CEP120: variants seen among roughly 807,000 people sequenced by gnomAD.
CEP120 encodes centrosomal protein of 120 kDa.
CEP120 carries 113 observed loss-of-function variants against 126.5 expected under a neutral mutation model. That is an observed-to-expected ratio of 0.89 (90% CI 0.77 to 1.04). CEP120 has a LOEUF of 1.04. CEP120 is among the 50% of genes least tolerant of loss of function. The probability of loss-of-function intolerance (pLI) is 0.00; values close to 1 mark genes in which losing one functional copy is unlikely to be tolerated. For missense variants in CEP120, 1,230 were observed against 1,155.7 expected (o/e 1.06, Z -0.93); for synonymous variants, 400 against 394.3 (o/e 1.01, Z -0.17).
chr5:123,358,609 T>TTGA (rs1769832053), intron 18 of CEP120, among the ~76,000 whole-genome samples: 1 of 152,102 alleles, frequency 6.6e-6, no homozygotes, highest in Admixed American at 6.6e-5. Context: ...AAGTAAGTTT[T>TTGA]TGATAAATTT....
intron 4 of CEP120, chr5:123,401,195 G>A: frequency 1.2e-6 from 2 of 1,612,644 alleles, no homozygotes; most frequent in Non-Finnish European, 1.7e-6. Flanking sequence ...CGATGTCCAG[G>A]GCCAGCCTGA....
intron 17 of CEP120, among the ~76,000 whole-genome samples, chr5:123,369,756 C>T (rs1172266922): frequency 2.0e-5 from 3 of 152,046 alleles, no homozygotes; most frequent in African/African-American, 7.2e-5. Context: ...ACCTACATTG[C>T]CACATTCAAT....
At chr5:123,379,715 T>C (rs1262364144) in intron 14 of CEP120, among the ~76,000 whole-genome samples, 2 of 150,342 alleles carry the variant, frequency 1.3e-5, no homozygotes, top group East Asian at 4.0e-4. Flanking sequence ...TATCAACCTC[T>C]CTTACCTTAT....
chr5:123,400,945 C>T (rs1359212862), intron 4 of CEP120: 9 of 1,554,348 alleles, frequency 5.8e-6, no homozygotes, highest in African/African-American at 4.1e-5. Context: ...TCAGAGGACT[C>T]GGACACCAGC....
chr5:123,372,880 T>C, intron 16 of CEP120, 108 bp from the exon 17 acceptor site: 1 of 862,998 alleles, frequency 1.2e-6, no homozygotes, highest in Non-Finnish European at 1.7e-6. Context: ...ATGCTCATAG[T>C]AGAAAATCTG....
chr5:123,395,906 T>C (rs1395370503), intron 5 of CEP120, among the ~76,000 whole-genome samples: 3 of 151,660 alleles, frequency 2.0e-5, no homozygotes, highest in Non-Finnish European at 2.9e-5. Context: ...ATGGTCTCGA[T>C]CTCCTGACCT....
chr5:123,385,010 A>G lies in CEP120; in HGVS notation c.1704T>C (p.Asn568=), dbSNP rs1771921291. 1 of 1,613,702 alleles carries G rather than the reference A, an allele frequency of 6.2e-7. No individual in the cohort carries two copies. The highest frequency in any genetic ancestry group is 8.5e-7 in the Non-Finnish European group (1 of 1,179,826). The change falls in exon 11 of 20, where the codon AAT becomes AAC. Residue 568 remains asparagine (N), a synonymous_variant. Coordinates refer to ENST00000306467, the MANE Select transcript of CEP120 (RefSeq NM_001375405.1). ...AAGTTTGACGCCAACACTGTTCACC[A>G]TTAGAACCTAAAAAACGAGTTTTTT... is the stretch of plus-strand genomic sequence containing the variant. The part of the protein sequence containing the change: ...SSEKTRFLGS[N]GEQCWRQTYS...
At chr5:123,410,369 C>T (rs896762904) in intron 4 of CEP120, among the ~76,000 whole-genome samples, 1 of 152,066 alleles carries the variant, frequency 6.6e-6, no homozygotes, top group African/African-American at 2.4e-5. Context: ...AGCAAAAGAA[C>T]CAGAACAGCC....
chr5:123,406,393 CA>C (rs34705532), intron 4 of CEP120, among the ~76,000 whole-genome samples: 39 of 131,634 alleles, frequency 3.0e-4, no homozygotes, highest in Admixed American at 4.5e-4. Flanking sequence ...GGATAAATGC[CA>C]AAAAAAAAAA....
At chr5:123,358,775 A>G (rs1012389833) in intron 18 of CEP120, among the ~76,000 whole-genome samples, 6 of 151,996 alleles carry the variant, frequency 3.9e-5, no homozygotes, top group Admixed American at 2.0e-4. Context: ...TCCTCAATCA[A>G]GTGAGTATAA....
In CEP120 at chr5:123,418,388, T is replaced by A. The variant is rs376374734; in HGVS notation, c.177A>T (p.Glu59Asp). 1 of 1,607,176 alleles carries A rather than the reference T, an allele frequency of 6.2e-7. No individual in the cohort carries two copies. Among genetic ancestry groups the A allele is most frequent in the East Asian group, 2.2e-5 (1 of 44,826 alleles). Residue 59 changes from glutamate (E) to aspartate (D), a missense_variant, in exon 2 of 20, where the codon GAA becomes GAT. Glu to Asp is a conservative substitution (Grantham distance 45). Transcript: ENST00000306467. ...GCTGATGAAGCGCTTTCCTGTCAATTTCCCAAGCTAACTCAGTAGCAAATT... is the reference window on the plus strand; with the variant it reads ...GCTGATGAAGCGCTTTCCTGTCAATATCCCAAGCTAACTCAGTAGCAAATT... ...QPEFATELAWEIDRKALHQHR... is the reference protein window; with the variant it reads ...QPEFATELAWDIDRKALHQHR...
rs1768881671 is a variant in CEP120 at position 123,347,140 on chromosome 5, G to T, written c.2727-387C>A. On this transcript the variant is annotated intron_variant, in intron 19 of 19. Transcript: ENST00000306467. ...TATGTACTTAAAATATGTATTTTTT[G>T]AAAAACTTGATACTACATATGCAAT... is the stretch of plus-strand genomic sequence containing the variant. Among the ~76,000 whole-genome samples, 4 of 151,868 alleles carry T rather than the reference G, an allele frequency of 2.6e-5. 1 individual carries two copies. In the South Asian group the frequency reaches 8.3e-4, roughly 32 times the overall value.
chr5:123,348,546 C>T, intron 19 of CEP120, among the ~76,000 whole-genome samples: 1 of 152,182 alleles, frequency 6.6e-6, no homozygotes, highest in Non-Finnish European at 1.5e-5. Context: ...TAAAGCTGAC[C>T]TTTTGCAACT....
chr5:123,422,277 C>T (rs1184078626), intron 1 of CEP120, among the ~76,000 whole-genome samples: 2 of 152,208 alleles, frequency 1.3e-5, no homozygotes, highest in African/African-American at 4.8e-5. Flanking sequence ...AGTGAAACTT[C>T]CGCAGTTTCC....
intron 17 of CEP120, among the ~76,000 whole-genome samples, chr5:123,366,120 TAATTC>T (rs958014137): frequency 6.6e-6 from 1 of 151,868 alleles, no homozygotes; most frequent in African/African-American, 2.4e-5. Flanking sequence ...CTCATTCTTC[TAATTC>T]ATTCCTATCC....
At position 123,378,298 on chromosome 5, in the gene CEP120, T is replaced by C. The variant is rs766767717; in HGVS notation, c.2196+38A>G. The C allele has an allele frequency of 6.7e-6, 10 of 1,492,928 alleles. No individual in the cohort carries two copies. The African/African-American group carries it at 7.1e-5, about 11-fold the overall frequency. 92.5% of individuals were successfully genotyped at this position (1,492,928 alleles called of 1,614,324 possible). A position where few individuals can be genotyped will look rare whatever the true frequency, so the allele number is the denominator to read the frequency against. On this transcript the variant is annotated intron_variant, in intron 15 of 19. Transcript: ENST00000306467. ...GTATTTCTACTTTGCAATAAACCCC[T>C]CTATGCTGAAAAAAAATACAATGGA...
At chr5:123,388,362 G>C in intron 9 of CEP120, 70 bp downstream of exon 9, 1 of 1,065,250 alleles carries the variant, frequency 9.4e-7, no homozygotes, top group Non-Finnish European at 1.3e-6. Flanking sequence ...ATTTCTCTCT[G>C]CAATTCCCCA....
chr5:123,386,741 T>C, intron 9 of CEP120, 74 bp from the exon 10 acceptor site: 2 of 1,139,894 alleles, frequency 1.8e-6, no homozygotes, highest in Non-Finnish European at 2.3e-6. Flanking sequence ...GTCTGTTTTT[T>C]AGAAAAAAGT....
intron 17 of CEP120, among the ~76,000 whole-genome samples, chr5:123,370,855 C>T (rs1234063241): frequency 6.6e-6 from 1 of 151,246 alleles, no homozygotes; most frequent in Admixed American, 6.6e-5. Flanking sequence ...ATCTGCCCAC[C>T]GTGGCTTCCC....
Sources: allele counts gnomAD v4.1 joint callset (sites outside exome capture counted in the v4.1 genomes callset), GRCh38; gene constraint gnomAD v4.1.1; transcripts MANE v1.5; gene names NCBI Gene and HGNC (gene_info 2026-07-23, HGNC 2026-07-21).